The following CACNA1A variants were observed in gnomAD, a reference collection of about 807,000 sequenced individuals.
CACNA1A encodes the protein voltage-dependent P/Q-type calcium channel subunit alpha-1A.
In CACNA1A, 57 loss-of-function variants were observed where a neutral mutation model predicts 262.4. The ratio of observed to expected loss-of-function variants is 0.22; its 90% CI spans 0.18 to 0.27. The LOEUF is 0.27. CACNA1A is among the 10% of genes least tolerant of loss of function. The pLI is 1.00. For synonymous variants in CACNA1A, 1,431 were observed against 1,419.3 expected (o/e 1.01, Z -0.18); for missense variants, 2,526 against 3,562.8 (o/e 0.71, Z 7.41).
intron 10 of CACNA1A, among the ~76,000 whole-genome samples, chr19:13,324,715 A>T (rs112068091): frequency 4.2e-5 from 5 of 118,080 alleles, no homozygotes; most frequent in Non-Finnish European, 8.2e-5. Context: ...AACAACATCA[A>T]CAACAACAAC....
intron 34 of CACNA1A, among the ~76,000 whole-genome samples, chr19:13,233,679 C>T (rs117515304): frequency 3.1e-4 from 47 of 152,050 alleles, no homozygotes; most frequent in Non-Finnish European, 4.7e-4. Context: ...TTTGTAGAGA[C>T]GGGGTCTCAC....
chr19:13,376,635 T>G (rs528220712), intron 3 of CACNA1A, among the ~76,000 whole-genome samples: 3 of 147,978 alleles, frequency 2.0e-5, no homozygotes, highest in African/African-American at 7.4e-5. Flanking sequence ...ACTACACATA[T>G]GTTATATATG....
intron 3 of CACNA1A, among the ~76,000 whole-genome samples, chr19:13,395,587 G>A (rs1260554217): frequency 6.6e-6 from 1 of 151,474 alleles, no homozygotes; most frequent in Non-Finnish European, 1.5e-5. Flanking sequence ...ACTCTAGCCT[G>A]GGCAACAGAA....
chr19:13,212,379 G>A lies in CACNA1A; in HGVS notation c.6189+5C>T. 6.2e-7 allele frequency: 1 copy of A among 1,613,694 alleles called. No homozygotes were observed. The highest frequency in any genetic ancestry group is 1.1e-5 in the South Asian group (1 of 91,016). ...AGCCATTGGGGAGTTGGGGGACAGA[G>A]GCACCTGAGAGTTAGGCTGGCTGTT... is the stretch of plus-strand genomic sequence containing the variant. On this transcript the variant is annotated splice_donor_5th_base_variant and intron_variant, in intron 42 of 46. Transcript: ENST00000360228. This position sits in a 1 kb window ranked among gnomAD's most constrained non-coding sequence, Gnocchi z 5.6.
At chr19:13,293,018 T>C (rs1429505657) in intron 19 of CACNA1A, among the ~76,000 whole-genome samples, 2 of 152,066 alleles carry the variant, frequency 1.3e-5, no homozygotes. Flanking sequence ...GCTGAGGCTA[T>C]GGGGGTGAAA....
intron 6 of CACNA1A, among the ~76,000 whole-genome samples, chr19:13,336,604 A>G (rs12461479): frequency 0.1 from 2,542 of 24,766 alleles, 40 homozygotes; most frequent in East Asian, 0.41. Context: ...GGAGAGAGAG[A>G]GAGAGAGAGA....
intron 22 of CACNA1A, among the ~76,000 whole-genome samples, chr19:13,278,605 T>C (rs1463348632): frequency 1.3e-5 from 2 of 152,180 alleles, no homozygotes; most frequent in Non-Finnish European, 2.9e-5. Flanking sequence ...TAGTTACTGA[T>C]AATCTCATTG....
intron 1 of CACNA1A, among the ~76,000 whole-genome samples, chr19:13,460,079 G>A (rs978872320): frequency 4.0e-5 from 6 of 151,420 alleles, no homozygotes; most frequent in African/African-American, 1.5e-4. Flanking sequence ...CCGCACCCCC[G>A]CAAGTGTCCA....
At chr19:13,420,217 G>A (rs918249245) in intron 3 of CACNA1A, among the ~76,000 whole-genome samples, 8 of 151,772 alleles carry the variant, frequency 5.3e-5, no homozygotes, top group Non-Finnish European at 1.2e-4. Context: ...GTGGAATTCA[G>A]CTGCATCCAT....
chr19:13,401,643 C>G (rs1388149723), intron 3 of CACNA1A, among the ~76,000 whole-genome samples: 1 of 152,138 alleles, frequency 6.6e-6, no homozygotes, highest in African/African-American at 2.4e-5. Context: ...TCCAGGAACC[C>G]TCATAAGTAC....
Position 13,212,779 on chromosome 19 carries a change from G to T in CACNA1A, c.5941-39C>A, listed in dbSNP as rs1478317474. 1.8e-6 allele frequency: 2 copies of T among 1,091,700 alleles called. No homozygotes were observed. Among genetic ancestry groups the T allele is most frequent in the Admixed American group, 2.8e-5 (1 of 35,254 alleles). 67.6% of individuals were successfully genotyped at this position (1,091,700 alleles called of 1,614,324 possible). A position where few individuals can be genotyped will look rare whatever the true frequency, so the allele number is the denominator to read the frequency against. The stretch of plus-strand genomic sequence containing the variant: ...CAGAGAGCAGTGTGTGGACAAGGGT[G>T]GGGTGGTGGGACGGTGGTACCCAGA... On this transcript the variant is annotated intron_variant, in intron 40 of 46. Coordinates refer to ENST00000360228, the MANE Select transcript of CACNA1A (RefSeq NM_001127222.2). This position sits in a 1 kb window ranked among gnomAD's most constrained non-coding sequence, Gnocchi z 5.6.
At chr19:13,231,377 C>T (rs1395742960) in intron 35 of CACNA1A, among the ~76,000 whole-genome samples, 3 of 152,066 alleles carry the variant, frequency 2.0e-5, no homozygotes, top group African/African-American at 7.2e-5. Context: ...CCACCCCCAC[C>T]CCCTGGGGGC....
At chr19:13,284,286 T>C (rs1338342494) in intron 21 of CACNA1A, 1 of 152,188 alleles carries the variant, frequency 6.6e-6, no homozygotes, top group Non-Finnish European at 1.5e-5. Context: ...TGGCACTGAG[T>C]AGATACCACA....
chr19:13,488,365 G>A (rs1019123260), intron 1 of CACNA1A, among the ~76,000 whole-genome samples: 2 of 149,628 alleles, frequency 1.3e-5, no homozygotes, highest in African/African-American at 4.9e-5. Context: ...GGAGCTTGGG[G>A]CATCAGCATT....
At chr19:13,292,226 T>C (rs1396112772) in intron 19 of CACNA1A, among the ~76,000 whole-genome samples, 6 of 151,968 alleles carry the variant, frequency 3.9e-5, no homozygotes, top group African/African-American at 7.3e-5. Context: ...TTATATGAAA[T>C]AGAATGTGCG....
chr19:13,375,775 G>A (rs1161230780), intron 3 of CACNA1A, among the ~76,000 whole-genome samples: 1 of 152,036 alleles, frequency 6.6e-6, no homozygotes, highest in Non-Finnish European at 1.5e-5. Context: ...GCAACGGAGT[G>A]AGACCCTGTC....
intron 1 of CACNA1A, among the ~76,000 whole-genome samples, chr19:13,490,048 T>G (rs1242348662): frequency 2.0e-5 from 3 of 152,132 alleles, no homozygotes; most frequent in Admixed American, 1.3e-4. Context: ...GTGTGTTTAT[T>G]TCTCTCTGTG....
At chr19:13,429,702 C>T (rs1311709905) in intron 3 of CACNA1A, among the ~76,000 whole-genome samples, 3 of 151,660 alleles carry the variant, frequency 2.0e-5, no homozygotes, top group African/African-American at 7.3e-5. Flanking sequence ...TTACAATAGC[C>T]AAAAGGTGGA....
intron 34 of CACNA1A, 179 bp downstream of exon 34, chr19:13,234,741 GA>G (rs1302470069): frequency 2.4e-6 from 1 of 413,978 alleles, no homozygotes; most frequent in East Asian, 1.8e-4. Flanking sequence ...TCCCCTACCG[GA>G]AGAGAAGGGC....
Sources: gnomAD v4.1 joint callset for allele counts (sites outside exome capture counted in the v4.1 genomes callset) on GRCh38, gnomAD v4.1.1 for gene constraint, Gnocchi (gnomAD v3.1) non-coding constraint, MANE v1.5 for transcripts, NCBI Gene and HGNC (gene_info 2026-07-23, HGNC 2026-07-21) for gene names.